Variants in ITGA10 observed in about 807,000 individuals in gnomAD.
ITGA10 encodes the protein integrin subunit alpha 10, also known as integrin alpha-10.
In ITGA10, 105 loss-of-function variants were observed where a neutral mutation model predicts 145.2. That is an observed-to-expected ratio of 0.72 (90% CI 0.62 to 0.85). ITGA10 has a LOEUF of 0.85. Ranked by LOEUF, ITGA10 falls within the 40% of genes least tolerant of loss-of-function variation. The probability of loss-of-function intolerance (pLI) is 0.00; values close to 1 mark genes in which losing one functional copy is unlikely to be tolerated. For synonymous variants in ITGA10, 506 were observed against 557.8 expected (o/e 0.91, Z 1.31); for missense variants, 1,317 against 1,444.5 (o/e 0.91, Z 1.43).
intron 1 of ITGA10, among the ~76,000 whole-genome samples, chr1:145,908,016 C>G (rs905338558): frequency 6.6e-6 from 1 of 151,838 alleles, no homozygotes; most frequent in Non-Finnish European, 1.5e-5. Flanking sequence ...ATGATCCGCC[C>G]GCCTCGGCCT....
At position 145,901,094 on chromosome 1, in the gene ITGA10, C is replaced by G. The variant is rs202224881; in HGVS notation, c.1587+41G>C. ...TTCCCTCCTTTCCTCCCTCCACCCC[C>G]ACAATGCAAGTCCAGGGCAGGGGGT... On this transcript the variant is annotated intron_variant, in intron 13 of 29. Transcript: ENST00000369304. This position sits in a 1 kb window ranked among gnomAD's most constrained non-coding sequence, Gnocchi z 4.3. 1.9e-4 allele frequency: 306 copies of G among 1,613,334 alleles called. 1 individual carries two copies. Among genetic ancestry groups the G allele is most frequent in the Non-Finnish European group, 2.5e-4 (294 of 1,179,558 alleles).
At chr1:145,904,326 C>A in intron 6 of ITGA10, 126 bp from the exon 7 acceptor site, 1 of 883,620 alleles carries the variant, frequency 1.1e-6, no homozygotes, top group Non-Finnish European at 1.8e-6. Context: ...CTACATTTAT[C>A]CCCTCTCTCT....
rs59254015 is a variant in ITGA10, at chr1:145,893,194, G to A, written c.3405C>T (p.Leu1135=). ...ILIGSVLGGL[L]LLALLVFCLW... is the part of the protein sequence containing the mutation. ...GGCAGAAGACAAGGAGAGCAAGCAG[G>A]AGCAACCCTCCCAGGACACTGCCTA... is the stretch of plus-strand genomic sequence containing the variant. Residue 1135 remains leucine (L), a synonymous_variant, in exon 29 of 30, where the codon CTC becomes CTT. Transcript: ENST00000369304. The A allele has an allele frequency of 4.9e-4, 795 of 1,613,978 alleles. No homozygotes were observed. Among genetic ancestry groups the A allele is most frequent in the African/African-American group, 3.6e-3 (269 of 75,000 alleles).
chr1:145,895,586 A>T, intron 26 of ITGA10, 45 bp downstream of exon 26: 1 of 1,585,338 alleles, frequency 6.3e-7, no homozygotes, highest in Non-Finnish European at 8.7e-7. Flanking sequence ...AAGTCACCCA[A>T]CTCCACTTGC....
intron 7 of ITGA10, 41 bp from the exon 8 acceptor site, chr1:145,903,002 G>GACACACACACACAC (rs34766827): frequency 9.1e-6 from 10 of 1,097,530 alleles, no homozygotes; most frequent in Admixed American, 7.4e-5. Flanking sequence ...GATGTATGCA[G>GACACACACACACAC]ACACACACAC....
intron 4 of ITGA10, 33 bp from the exon 5 acceptor site, chr1:145,906,541 T>C: frequency 6.3e-7 from 1 of 1,578,506 alleles, no homozygotes. Context: ...CTCCCAGGCT[T>C]GGGAGGGCAC....
Position 145,900,849 on chromosome 1 carries a change from G to T in ITGA10, c.1732C>A (p.Gln578Lys). The T allele has an allele frequency of 1.2e-6, 2 of 1,614,096 alleles. No individual in the cohort carries two copies. The highest frequency in any genetic ancestry group is 3.3e-5 in the Admixed American group (2 of 60,014). ...AVGAPLEDGH[Q>K]GALYLYHGTQ... ...CCATGGTACAGGTACAGTGCTCCCT[G>T]GTGCCCATCTTCCAGAGGCGCCCCC... is the stretch of plus-strand genomic sequence containing the variant. Residue 578 changes from glutamine (Q) to lysine (K), a missense_variant, in exon 14 of 30, where the codon CAG (glutamine) becomes AAG (lysine). Coordinates refer to ENST00000369304, the MANE Select transcript of ITGA10 (RefSeq NM_003637.5).
chr1:145,905,362 C>A (rs1328804317), intron 5 of ITGA10, among the ~76,000 whole-genome samples: 1 of 151,722 alleles, frequency 6.6e-6, no homozygotes, highest in South Asian at 2.1e-4. Context: ...TCACTGCAAG[C>A]TCTGCCTCCT....
At position 145,901,771 on chromosome 1, in the gene ITGA10, C is replaced by T; in HGVS notation, c.1294+106G>A. 4 of 1,552,590 alleles carry T rather than the reference C, an allele frequency of 2.6e-6. No individual in the cohort carries two copies. The South Asian group carries it at 3.7e-5, about 14-fold the overall frequency. ...GGTCCCAAGGGAAGTAACCAGAGGT[C>T]AGTGAGAAACCGCATGAGTTAAGAG... is the stretch of plus-strand genomic sequence containing the variant. On this transcript the variant is annotated intron_variant, in intron 11 of 29. Transcript: ENST00000369304. This position sits in a 1 kb window ranked among gnomAD's most constrained non-coding sequence, Gnocchi z 4.3.
At chr1:145,902,073 G>GA (rs34834904) in intron 10 of ITGA10, 52 bp from the exon 11 acceptor site, 55 of 1,601,350 alleles carry the variant, frequency 3.4e-5, no homozygotes, top group Non-Finnish European at 4.3e-5. Flanking sequence ...GGAATAAAGA[G>GA]AAAAAAAACG....
chr1:145,896,835 G>C lies in ITGA10; in HGVS notation c.2768C>G (p.Thr923Ser). The change falls in exon 23 of 30, where the codon ACC (threonine) becomes AGC (serine). Residue 923 changes from threonine to serine, a missense_variant. Physicochemically the swap from Thr to Ser is moderately conservative, Grantham distance 58. Transcript: ENST00000369304. ...ASSDSLERNG[T>S]LQDNTAQTSA... The stretch of plus-strand genomic sequence containing the variant: ...GGTCTGGGCTGTGTTATCTTGAAGG[G>C]TCCCATTTCTCTCCAGGCTGTCACT... 6.2e-7 allele frequency: 1 copy of C among 1,613,964 alleles called. No homozygotes were observed. The highest frequency in any genetic ancestry group is 8.5e-7 in the Non-Finnish European group (1 of 1,179,912).
chr1:145,902,420 C>T, intron 9 of ITGA10, 34 bp downstream of exon 9: 2 of 1,609,724 alleles, frequency 1.2e-6, no homozygotes, highest in African/African-American at 2.7e-5. Context: ...CAGAACTTCT[C>T]CCGCCCTGTC....
intron 24 of ITGA10, 49 bp from the exon 25 acceptor site, chr1:145,896,145 C>A (rs1352804989): frequency 6.5e-7 from 1 of 1,534,968 alleles, no homozygotes; most frequent in Non-Finnish European, 9.0e-7. Context: ...GAAGACCCTT[C>A]CTCATTTGTT....
At chr1:145,895,882 G>C in intron 25 of ITGA10, 101 bp downstream of exon 25, 2 of 1,064,542 alleles carry the variant, frequency 1.9e-6, no homozygotes, top group Non-Finnish European at 2.8e-6. Flanking sequence ...AGAGCCCCAA[G>C]AGCAGAGGCC....
chr1:145,896,699 G>T, intron 23 of ITGA10, 70 bp downstream of exon 23: 1 of 1,281,744 alleles, frequency 7.8e-7, no homozygotes, highest in Non-Finnish European at 1.1e-6. Context: ...GCACATGGAA[G>T]GGGAGGGAAG....
chr1:145,901,580 A>T lies in ITGA10; in HGVS notation c.1379T>A (p.Val460Asp). The change falls in exon 12 of 30, where the codon GTC (valine) becomes GAC (aspartate). Residue 460 changes from valine to aspartate, a missense_variant. Coordinates refer to ENST00000369304, the MANE Select transcript of ITGA10 (RefSeq NM_003637.5). This position sits in a 1 kb window ranked among gnomAD's most constrained non-coding sequence, Gnocchi z 4.3. ...GAPRFRHRGK[V>D]IAFQLKKDGA... ...ATCTTTCTTAAGCTGGAAGGCGATG[A>T]CTTTTCCTCGATGTCTAAATCGAGG... The T allele has an allele frequency of 6.2e-7, 1 of 1,607,568 alleles. No homozygotes were observed.
In ITGA10 at chr1:145,893,200, C is replaced by A; in HGVS notation, c.3399G>T (p.Gly1133=). 5 of 1,614,104 alleles carry A rather than the reference C, an allele frequency of 3.1e-6. No homozygotes were observed. In the South Asian group the frequency reaches 5.5e-5, roughly 18 times the overall value. Residue 1133 remains glycine (G), a synonymous_variant, in exon 29 of 30, where the codon GGG becomes GGT. Coordinates refer to ENST00000369304, the MANE Select transcript of ITGA10 (RefSeq NM_003637.5). ...AGACAAGGAGAGCAAGCAGGAGCAACCCTCCCAGGACACTGCCTATGAGGA... is the reference window on the plus strand; with the variant it reads ...AGACAAGGAGAGCAAGCAGGAGCAAACCTCCCAGGACACTGCCTATGAGGA... ...LWILIGSVLG[G]LLLLALLVFC...
Position 145,906,652 on chromosome 1 carries a change from A to G in ITGA10, c.366+81T>C, listed in dbSNP as rs1657179726. 2.7e-5 allele frequency: 36 copies of G among 1,339,234 alleles called. No homozygotes were observed. In the South Asian group the frequency reaches 3.5e-4, roughly 13 times the overall value. 83.0% of individuals were successfully genotyped at this position (1,339,234 alleles called of 1,614,324 possible). On this transcript the variant is annotated intron_variant, in intron 4 of 29. Transcript: ENST00000369304. ...TTTTAACTCCTTGACCCCTCCACACAGACCATTTTCCCTTACCACACTTCT... is the reference window on the plus strand; with the variant it reads ...TTTTAACTCCTTGACCCCTCCACACGGACCATTTTCCCTTACCACACTTCT...
At position 145,907,105 on chromosome 1, in the gene ITGA10, C is replaced by A. The variant is rs372794122; in HGVS notation, c.210G>T (p.Arg70Ser). The A allele has an allele frequency of 1.9e-5, 29 of 1,563,782 alleles. No homozygotes were observed. The highest frequency in any genetic ancestry group is 1.5e-4 in the Admixed American group (8 of 52,176). ...CTACAGGGCAGCGATAAACGTCCCC[C>A]CTCCGGTCGCCTGAAGGCCCATCCC... ...APWDGPSGDR[R>S]GDVYRCPVGG... The change falls in exon 3 of 30, where the codon AGG becomes AGT. Residue 70 changes from arginine to serine, a missense_variant. Transcript: ENST00000369304.
Sources: gnomAD v4.1 joint callset for allele counts (sites outside exome capture counted in the v4.1 genomes callset) on GRCh38, gnomAD v4.1.1 for gene constraint, Gnocchi (gnomAD v3.1) non-coding constraint, MANE v1.5 for transcripts, NCBI Gene and HGNC (gene_info 2026-07-23, HGNC 2026-07-21) for gene names.